The following DNAJC16 variants were observed in gnomAD, a reference collection of about 807,000 sequenced individuals.
The protein encoded by DNAJC16 is dnaJ homolog subfamily C member 16.
DNAJC16 carries 76 observed loss-of-function variants against 92.7 expected under a neutral mutation model. The observed-to-expected ratio is 0.82, with a 90% CI of 0.68 to 0.99. The LOEUF (loss-of-function observed/expected upper bound fraction) is 0.99, where lower values mean the gene tolerates loss of function less well. Among genes scored for constraint, DNAJC16 ranks in the 50% least tolerant of loss-of-function variants. DNAJC16 has a pLI of 0.00. For synonymous variants in DNAJC16, 328 were observed against 358.7 expected (o/e 0.91, Z 0.97); for missense variants, 869 against 942.4 (o/e 0.92, Z 1.02).
intron 7 of DNAJC16, among the ~76,000 whole-genome samples, chr1:15,549,542 T>C (rs964859188): frequency 1.3e-5 from 2 of 152,034 alleles, no homozygotes; most frequent in African/African-American, 4.8e-5. Context: ...AAGCCGGGCG[T>C]GGTGGCTCAC....
intron 4 of DNAJC16, among the ~76,000 whole-genome samples, chr1:15,537,851 G>A (rs900224428): frequency 3.9e-5 from 6 of 152,144 alleles, no homozygotes; most frequent in African/African-American, 9.7e-5. Flanking sequence ...GAGTCTGACC[G>A]TCTTAAACAC....
chr1:15,539,686 A>G (rs2103408557), intron 4 of DNAJC16, among the ~76,000 whole-genome samples: 1 of 151,856 alleles, frequency 6.6e-6, no homozygotes, highest in South Asian at 2.1e-4. Context: ...CTGAGATTAG[A>G]GGTGCCTGCC....
At chr1:15,551,380 G>A (rs1330456252) in intron 7 of DNAJC16, among the ~76,000 whole-genome samples, 1 of 152,176 alleles carries the variant, frequency 6.6e-6, no homozygotes, top group Non-Finnish European at 1.5e-5. Flanking sequence ...TTACTTGGAA[G>A]AATGACAGAC....
chr1:15,537,798 A>G (rs1710829507), intron 4 of DNAJC16, among the ~76,000 whole-genome samples: 1 of 152,186 alleles, frequency 6.6e-6, no homozygotes, highest in African/African-American at 2.4e-5. Flanking sequence ...GAACTAATTC[A>G]TTATTACACT....
Position 15,564,309 on chromosome 1 carries a change from T to G in DNAJC16, c.1548T>G (p.Ser516=). 1 of 1,610,992 alleles carries G rather than the reference T, an allele frequency of 6.2e-7. No homozygotes were observed. The highest frequency in any genetic ancestry group is 1.1e-5 in the South Asian group (1 of 91,016). Reference sequence around the variant, plus strand: ...TTTTTCTCCTTCGATGGTTCTACTCTGCTTCTGACTACATCTCAGACTGCT... The same window carrying G: ...TTTTTCTCCTTCGATGGTTCTACTCGGCTTCTGACTACATCTCAGACTGCT... ...APVFLLRWFY[S]ASDYISDCWD... is the part of the protein sequence containing the mutation. Residue 516 remains serine (S), a synonymous_variant, in exon 11 of 15, where the codon TCT becomes TCG. Coordinates refer to ENST00000375847, the MANE Select transcript of DNAJC16 (RefSeq NM_015291.4).
chr1:15,527,468 A>G (rs1328420876), intron 1 of DNAJC16, among the ~76,000 whole-genome samples: 2 of 152,222 alleles, frequency 1.3e-5, no homozygotes, highest in African/African-American at 2.4e-5. Context: ...TAGTCCCCAC[A>G]TGATGATCCT....
chr1:15,534,582 G>A (rs889512836), intron 3 of DNAJC16, among the ~76,000 whole-genome samples: 28 of 152,190 alleles, frequency 1.8e-4, no homozygotes, highest in African/African-American at 2.6e-4. Context: ...AAAATTCGCC[G>A]GGCGTGGTGG....
At chr1:15,533,160 C>A (rs573559579) in intron 2 of DNAJC16, among the ~76,000 whole-genome samples, 2 of 152,268 alleles carry the variant, frequency 1.3e-5, no homozygotes, top group African/African-American at 4.8e-5. Flanking sequence ...GTCTTAGGGG[C>A]TTTCAAGGAA....
intron 9 of DNAJC16, 29 bp from the exon 10 acceptor site, chr1:15,563,900 C>G: frequency 6.4e-7 from 1 of 1,553,088 alleles, no homozygotes; most frequent in Non-Finnish European, 8.7e-7. Context: ...TTTGAAACTT[C>G]TGATGTTTTT....
intron 4 of DNAJC16, among the ~76,000 whole-genome samples, chr1:15,542,737 T>C (rs1053538741): frequency 3.3e-5 from 5 of 152,194 alleles, no homozygotes; most frequent in Non-Finnish European, 7.3e-5. Flanking sequence ...ACTGAGTTGA[T>C]ACCCAATTGG....
intron 11 of DNAJC16, 141 bp from the exon 12 acceptor site, chr1:15,565,778 C>G: frequency 1.3e-6 from 1 of 788,904 alleles, no homozygotes; most frequent in South Asian, 1.7e-5. Context: ...CCTCCACCCG[C>G]CAAGAAAAGC....
At chr1:15,563,540 C>A (rs1000137812) in intron 9 of DNAJC16, among the ~76,000 whole-genome samples, 10 of 144,364 alleles carry the variant, frequency 6.9e-5, no homozygotes, top group African/African-American at 2.6e-4. Context: ...AAAAAACAAA[C>A]AACTGGGCCA....
intron 1 of DNAJC16, among the ~76,000 whole-genome samples, chr1:15,528,767 C>T (rs952428594): frequency 2.6e-5 from 4 of 151,894 alleles, no homozygotes; most frequent in Admixed American, 2.6e-4. Flanking sequence ...CCTGATTATC[C>T]TATTTAGGTT....
chr1:15,548,094 A>G (rs2103414972), intron 6 of DNAJC16, among the ~76,000 whole-genome samples, 176 bp from the exon 7 acceptor site: 1 of 152,330 alleles, frequency 6.6e-6, no homozygotes, highest in Middle Eastern at 3.4e-3. Context: ...TTGTTGGTAC[A>G]GTTTTTGCAC....
At chr1:15,533,919 C>T (rs1710719493) in intron 2 of DNAJC16, among the ~76,000 whole-genome samples, 1 of 152,208 alleles carries the variant, frequency 6.6e-6, no homozygotes, top group Non-Finnish European at 1.5e-5. Flanking sequence ...ACTTAGCCTT[C>T]AGCCAGCTTT....
chr1:15,552,019 ACT>A (rs1283509171), intron 7 of DNAJC16, among the ~76,000 whole-genome samples: 8 of 140,720 alleles, frequency 5.7e-5, no homozygotes, highest in Non-Finnish European at 1.1e-4. Context: ...TGAGAATGAG[ACT>A]CTGTCTCAAA....
chr1:15,527,065 G>C (rs1029616375), intron 1 of DNAJC16, 107 bp downstream of exon 1: 1 of 152,202 alleles, frequency 6.6e-6, no homozygotes, highest in African/African-American at 2.4e-5. Flanking sequence ...GCTGGCCCCG[G>C]GGGGAGCCGG....
At chr1:15,541,412 G>A (rs1463011867) in intron 4 of DNAJC16, among the ~76,000 whole-genome samples, 1 of 152,198 alleles carries the variant, frequency 6.6e-6, no homozygotes, top group Non-Finnish European at 1.5e-5. Context: ...TTGGATTCTT[G>A]TTCTGCAATT....
chr1:15,558,597 A>G (rs763770360), intron 7 of DNAJC16, among the ~76,000 whole-genome samples: 26 of 151,982 alleles, frequency 1.7e-4, no homozygotes, highest in Non-Finnish European at 3.4e-4. Context: ...CTCCCAAAGC[A>G]TTTGGGTTAG....
Sources: gnomAD v4.1 joint callset for allele counts (sites outside exome capture counted in the v4.1 genomes callset) on GRCh38, gnomAD v4.1.1 for gene constraint, MANE v1.5 for transcripts, NCBI Gene and HGNC (gene_info 2026-07-23, HGNC 2026-07-21) for gene names.